Variants in GAGE10 observed in about 807,000 individuals in gnomAD.
GAGE10 encodes the protein G antigen 10.
GAGE10 carries 9 observed loss-of-function variants against 11.5 expected under a neutral mutation model. The observed-to-expected ratio is 0.78, with a 90% confidence interval of 0.47 to 1.37. The LOEUF is 1.37. GAGE10 is among the 40% of genes most tolerant of loss of function. The pLI, the probability that GAGE10 is intolerant of heterozygous loss-of-function variation, is 0.00. For synonymous variants in GAGE10, 23 were observed against 29.7 expected, an observed-to-expected ratio of 0.77 and a Z score of 0.73; for missense variants, 83 against 92.9, an observed-to-expected ratio of 0.89 and a Z score of 0.44.
At chrX:49,307,041 G>C (rs1401649679) in intron 3 of GAGE10, among the ~76,000 whole-genome samples, 2 of 111,299 alleles carry the variant, frequency 1.8e-5, no homozygotes, top group Admixed American at 9.6e-5. Context: ...CTAAAGTTCA[G>C]TGTAATTGTC....
At chrX:49,315,266 C>A (rs1224812165) in intron 3 of GAGE10, among the ~76,000 whole-genome samples, 1 of 112,066 alleles carries the variant, frequency 8.9e-6, no homozygotes, top group Non-Finnish European at 1.9e-5. Context: ...GCAAAGGGAA[C>A]TCTTAGGGTA....
intron 3 of GAGE10, among the ~76,000 whole-genome samples, chrX:49,316,026 G>T (rs2066390434): frequency 8.9e-6 from 1 of 112,015 alleles, no homozygotes; most frequent in Non-Finnish European, 1.9e-5. Context: ...GAACACCTTT[G>T]TTATGAAAAG....
chrX:49,304,466 C>T (rs1159409903), intron 1 of GAGE10, among the ~76,000 whole-genome samples: 2 of 112,859 alleles, frequency 1.8e-5, no homozygotes, highest in Non-Finnish European at 3.8e-5. Flanking sequence ...GCCAGTGGGG[C>T]GCCATGGCCT....
intron 3 of GAGE10, among the ~76,000 whole-genome samples, chrX:49,312,820 C>T (rs1422571767): frequency 1.8e-5 from 2 of 112,698 alleles, no homozygotes; most frequent in African/African-American, 3.2e-5. Flanking sequence ...ATTGGAAGGA[C>T]GACTAGAAAC....
At chrX:49,305,217 C>T (rs1222228502) in intron 2 of GAGE10, among the ~76,000 whole-genome samples, 187 bp from the exon 3 acceptor site, 2 of 111,437 alleles carry the variant, frequency 1.8e-5, no homozygotes, top group Non-Finnish European at 3.8e-5. Flanking sequence ...AGTCCTCGTG[C>T]GTCACTTTTC....
rs148862181 is a variant in GAGE10, at chrX:49,310,382, C to T, written c.202+4858C>T. On this transcript the variant is annotated intron_variant, in intron 3 of 4. Coordinates refer to ENST00000407599, the MANE Select transcript of GAGE10 (RefSeq NM_001098413.4). ...CTGGCTCTTTGCAAGGAGACATGGA[C>T]GCGGGTGTGAACGCAGTCATGGAAA... Among the ~76,000 whole-genome samples the T allele has an allele frequency of 4.6e-3, 516 of 111,564 alleles. 1 individual carries two copies. The highest frequency in any genetic ancestry group is 0.016 in the African/African-American group (494 of 30,651).
At chrX:49,304,616 G>GA (rs1296191678) in intron 1 of GAGE10, among the ~76,000 whole-genome samples, 3 of 112,044 alleles carry the variant, frequency 2.7e-5, no homozygotes, top group Non-Finnish European at 3.8e-5. Context: ...AAGAAATTTA[G>GA]AAAAAAAATG....
rs782106491 is a variant in GAGE10 at position 49,304,056 on chromosome X, G to A, written c.-9+303G>A. Among the ~76,000 whole-genome samples the A allele has an allele frequency of 1.7e-3, 191 of 112,205 alleles. 1 individual carries two copies. The highest frequency in any genetic ancestry group is 5.5e-3 in the African/African-American group (169 of 30,881). On this transcript the variant is annotated intron_variant, in intron 1 of 4. Coordinates refer to ENST00000407599, the MANE Select transcript of GAGE10 (RefSeq NM_001098413.4). ...TCAGGGGCTCAGGTGAAGAAGGGGCGATTGCTGGGTGTGCTGTCAGAGGGA... is the reference window on the plus strand; with the variant it reads ...TCAGGGGCTCAGGTGAAGAAGGGGCAATTGCTGGGTGTGCTGTCAGAGGGA...
At chrX:49,306,273 T>C (rs782435562) in intron 3 of GAGE10, among the ~76,000 whole-genome samples, 1 of 112,249 alleles carries the variant, frequency 8.9e-6, no homozygotes, top group Non-Finnish European at 1.9e-5. Context: ...GTTAAAAATT[T>C]CTAGAATCTG....
intron 3 of GAGE10, among the ~76,000 whole-genome samples, chrX:49,306,182 A>G (rs1275295106): frequency 1.8e-5 from 2 of 112,535 alleles, no homozygotes; most frequent in Admixed American, 9.4e-5. Flanking sequence ...ACATTGAGAT[A>G]GAAATAATTT....
chrX:49,314,807 G>A (rs1385602466), intron 3 of GAGE10, among the ~76,000 whole-genome samples: 1 of 112,056 alleles, frequency 8.9e-6, no homozygotes, highest in Non-Finnish European at 1.9e-5. Flanking sequence ...ATAATATGGG[G>A]GACCAGTGGC....
chrX:49,304,498 C>G (rs1445605478), intron 1 of GAGE10, among the ~76,000 whole-genome samples: 1 of 112,928 alleles, frequency 8.9e-6, no homozygotes. Flanking sequence ...CCCAGTTACT[C>G]GGGACGCTGA....
At position 49,304,887 on chromosome X, in the gene GAGE10, C is replaced by T. The variant is rs782348477; in HGVS notation, c.28C>T (p.Arg10Trp). Reference sequence around the variant, plus strand: ...GAGTTGGCGAGGAAGATCGACCTATCGGCCTAGACCAAGACGCTACGTAGA... The same window carrying T: ...GAGTTGGCGAGGAAGATCGACCTATTGGCCTAGACCAAGACGCTACGTAGA... MSWRGRSTY[R>W]PRPRRYVEPP... The change falls in exon 2 of 5, where the codon CGG (arginine) becomes TGG (tryptophan). Residue 10 changes from arginine to tryptophan, a missense_variant. Physicochemically the swap from Arg to Trp is moderately radical, Grantham distance 101. Around this residue, in one of 3 missense-constraint regions of GAGE10, gnomAD observed 15 missense variants for 25.5 expected, o/e 0.59. Coordinates refer to ENST00000407599, the MANE Select transcript of GAGE10 (RefSeq NM_001098413.4). The T allele has an allele frequency of 2.5e-5, 30 of 1,207,803 alleles. No homozygotes were observed. Among genetic ancestry groups the T allele is most frequent in the African/African-American group, 1.6e-4 (9 of 57,387 alleles).
At chrX:49,313,727 G>A (rs1230500585) in intron 3 of GAGE10, among the ~76,000 whole-genome samples, 2 of 111,639 alleles carry the variant, frequency 1.8e-5, no homozygotes, top group East Asian at 2.8e-4. Context: ...CACCATAGCC[G>A]CCTGAAACCA....
intron 4 of GAGE10, among the ~76,000 whole-genome samples, chrX:49,317,496 C>A (rs1279920001): frequency 9.0e-6 from 1 of 111,542 alleles, no homozygotes; most frequent in Non-Finnish European, 1.9e-5. Context: ...TATGGACATA[C>A]ACCAATGTGC....
chrX:49,317,390 C>A (rs1319163397), intron 4 of GAGE10, 102 bp downstream of exon 4: 14 of 1,084,087 alleles, frequency 1.3e-5, no homozygotes, highest in Admixed American at 2.5e-5. Context: ...CTCTGTCCAC[C>A]AGGCTGGAGT....
At chrX:49,307,362 G>C (rs1358221725) in intron 3 of GAGE10, among the ~76,000 whole-genome samples, 2 of 112,126 alleles carry the variant, frequency 1.8e-5, no homozygotes, top group African/African-American at 6.5e-5. Context: ...GTAATTCCTT[G>C]GTCATCACTG....
chrX:49,311,132 C>G (rs1259756547), intron 3 of GAGE10, among the ~76,000 whole-genome samples: 9 of 111,612 alleles, frequency 8.1e-5, no homozygotes, highest in African/African-American at 2.9e-4. Context: ...AGGACAACCC[C>G]CCTGGACTTG....
At chrX:49,310,761 C>A (rs1169183381) in intron 3 of GAGE10, among the ~76,000 whole-genome samples, 1 of 110,558 alleles carries the variant, frequency 9.0e-6, no homozygotes, top group South Asian at 3.9e-4. Context: ...TTAGCCCCCC[C>A]CCACAAAGAA....
Sources: gnomAD v4.1 joint callset for allele counts (sites outside exome capture counted in the v4.1 genomes callset) on GRCh38, gnomAD v4.1.1 for gene constraint, gnomAD v4.1.1 regional missense constraint, MANE v1.5 for transcripts, NCBI Gene and HGNC (gene_info 2026-07-23, HGNC 2026-07-21) for gene names.